XRCC4: variants seen among roughly 807,000 people sequenced by gnomAD.
XRCC4 encodes the protein DNA repair protein XRCC4.
Under a neutral mutation model 39.1 loss-of-function variants are expected in XRCC4, and 28 were observed. That is an observed-to-expected ratio of 0.72 (90% CI 0.53 to 0.98). The LOEUF (loss-of-function observed/expected upper bound fraction) is 0.98, where lower values mean the gene tolerates loss of function less well. Ranked by LOEUF, XRCC4 falls within the 50% of genes least tolerant of loss-of-function variation. The pLI is 0.00. For synonymous variants in XRCC4, 123 were observed against 126.4 expected, an observed-to-expected ratio of 0.97 and a Z score of 0.18; for missense variants, 350 against 376.4, an observed-to-expected ratio of 0.93 and a Z score of 0.58.
intron 3 of XRCC4, among the ~76,000 whole-genome samples, chr5:83,190,882 C>T (rs1236684327): frequency 1.3e-5 from 2 of 151,996 alleles, no homozygotes; most frequent in Admixed American, 1.3e-4. Flanking sequence ...TTAACTGTGC[C>T]CTTTTTGTTT....
chr5:83,290,534 A>G (rs1208717376), intron 7 of XRCC4, among the ~76,000 whole-genome samples: 4 of 151,750 alleles, frequency 2.6e-5, no homozygotes, highest in African/African-American at 9.7e-5. Flanking sequence ...TAGTAGTTGG[A>G]CACTGTAAAA....
chr5:83,248,853 T>G (rs901555443), intron 6 of XRCC4, among the ~76,000 whole-genome samples: 1 of 152,178 alleles, frequency 6.6e-6, no homozygotes, highest in African/African-American at 2.4e-5. Flanking sequence ...AGATTTTTGT[T>G]GAAAATTTTG....
intron 6 of XRCC4, among the ~76,000 whole-genome samples, chr5:83,229,569 A>G (rs1208860063): frequency 1.3e-5 from 2 of 151,762 alleles, no homozygotes; most frequent in Non-Finnish European, 2.9e-5. Flanking sequence ...TTGAGTAGAA[A>G]TAGGAAGATA....
At chr5:83,223,597 C>A (rs939953438) in intron 6 of XRCC4, among the ~76,000 whole-genome samples, 3 of 151,358 alleles carry the variant, frequency 2.0e-5, no homozygotes, top group African/African-American at 7.3e-5. Flanking sequence ...TTTCATCAAC[C>A]CTCTTTCAGT....
At chr5:83,265,352 A>C (rs1192120261) in intron 7 of XRCC4, among the ~76,000 whole-genome samples, 1 of 152,160 alleles carries the variant, frequency 6.6e-6, no homozygotes, top group Non-Finnish European at 1.5e-5. Context: ...ATTTTATCAT[A>C]ATGTTTATCT....
At chr5:83,270,781 A>G (rs866229105) in intron 7 of XRCC4, among the ~76,000 whole-genome samples, 16 of 73,792 alleles carry the variant, frequency 2.2e-4, no homozygotes, top group African/African-American at 9.8e-4. Context: ...ATATACATAT[A>G]TATATGTATA....
At chr5:83,105,156 T>C (rs1580224484) in intron 2 of XRCC4, 98 bp downstream of exon 2, 4 of 1,189,884 alleles carry the variant, frequency 3.4e-6, no homozygotes, top group Non-Finnish European at 3.5e-6. Flanking sequence ...AAAACTGATA[T>C]TAATTTTACT....
chr5:83,293,312 C>T (rs1278989158), intron 7 of XRCC4, among the ~76,000 whole-genome samples: 1 of 151,562 alleles, frequency 6.6e-6, no homozygotes, highest in African/African-American at 2.4e-5. Flanking sequence ...TAGTATAATA[C>T]TACACTATGC....
At chr5:83,252,428 T>C (rs1035696895) in intron 6 of XRCC4, among the ~76,000 whole-genome samples, 5 of 152,204 alleles carry the variant, frequency 3.3e-5, no homozygotes, top group African/African-American at 1.2e-4. Flanking sequence ...ACAATTGGAA[T>C]ATTTTGAATA....
In XRCC4 at chr5:83,097,817, A is replaced by G. The variant is rs189325072; in HGVS notation, c.-10-7093A>G. ...AAAGTGTTCTTGTGACAGTCTAGAA[A>G]GTTTCCAAAATGATAAGTGTACTCT... is the stretch of plus-strand genomic sequence containing the variant. On this transcript the variant is annotated intron_variant, in intron 1 of 7. Transcript: ENST00000396027. Among the ~76,000 whole-genome samples the G allele has an allele frequency of 8.5e-4, 130 of 152,262 alleles. No homozygotes were observed. The Middle Eastern group carries it at 0.01, about 12-fold the overall frequency.
intron 2 of XRCC4, among the ~76,000 whole-genome samples, chr5:83,110,597 T>G (rs568480714): frequency 6.7e-4 from 102 of 152,214 alleles, no homozygotes; most frequent in African/African-American, 2.4e-3. Flanking sequence ...ACTTTTGCTT[T>G]TGTTTTACTC....
intron 3 of XRCC4, among the ~76,000 whole-genome samples, chr5:83,156,805 G>T (rs1162031293): frequency 1.3e-5 from 2 of 152,098 alleles, no homozygotes; most frequent in Non-Finnish European, 2.9e-5. Context: ...TAAGTGGTAT[G>T]GAGAAAGGGT....
chr5:83,135,546 G>A (rs1430167601), intron 3 of XRCC4, among the ~76,000 whole-genome samples: 2 of 151,652 alleles, frequency 1.3e-5, no homozygotes, highest in African/African-American at 2.4e-5. Flanking sequence ...TCGTTTTTTG[G>A]GGATTCCATT....
At chr5:83,327,157 A>G (rs1001366463) in intron 7 of XRCC4, among the ~76,000 whole-genome samples, 5 of 152,004 alleles carry the variant, frequency 3.3e-5, no homozygotes, top group African/African-American at 1.2e-4. Flanking sequence ...GGCTGGGAAC[A>G]TTTCCATCAT....
chr5:83,132,648 T>C (rs984359984), intron 3 of XRCC4, among the ~76,000 whole-genome samples: 1 of 152,286 alleles, frequency 6.6e-6, no homozygotes, highest in Non-Finnish European at 1.5e-5. Flanking sequence ...CAATCACTGA[T>C]ACCCTTTCTT....
At chr5:83,270,751 ATTTTTT>A (rs1754111999) in intron 7 of XRCC4, among the ~76,000 whole-genome samples, 2 of 144,364 alleles carry the variant, frequency 1.4e-5, no homozygotes, top group African/African-American at 5.4e-5. Context: ...GGATTTATTC[ATTTTTT>A]CGAAAAAAAA....
intron 7 of XRCC4, among the ~76,000 whole-genome samples, chr5:83,301,465 T>A (rs1426228421): frequency 1.3e-5 from 2 of 152,232 alleles, no homozygotes; most frequent in Non-Finnish European, 2.9e-5. Context: ...TTGTAGATTC[T>A]GGATATCAGA....
intron 1 of XRCC4, among the ~76,000 whole-genome samples, chr5:83,080,018 A>G (rs528733549): frequency 1.3e-5 from 2 of 152,258 alleles, no homozygotes; most frequent in Non-Finnish European, 2.9e-5. Flanking sequence ...ATCTAGGCAA[A>G]TGTTTGGCAT....
At chr5:83,254,985 C>A (rs760765184) in intron 6 of XRCC4, among the ~76,000 whole-genome samples, 2 of 151,480 alleles carry the variant, frequency 1.3e-5, no homozygotes, top group Admixed American at 1.3e-4. Context: ...TACTCAGGAG[C>A]CCGAGGCAGG....
Sources: gnomAD v4.1 joint callset for allele counts (sites outside exome capture counted in the v4.1 genomes callset) on GRCh38, gnomAD v4.1.1 for gene constraint, MANE v1.5 for transcripts, NCBI Gene and HGNC (gene_info 2026-07-23, HGNC 2026-07-21) for gene names.